TENM2: variants seen among roughly 807,000 people sequenced by gnomAD.
TENM2 encodes teneurin-2.
In TENM2, 52 loss-of-function variants were observed where a neutral mutation model predicts 245.2. The observed-to-expected ratio is 0.21, with a 90% CI of 0.17 to 0.27. TENM2 has a LOEUF of 0.27. Among genes scored for constraint, TENM2 ranks in the 10% least tolerant of loss-of-function variants. TENM2 has a pLI of 1.00. For synonymous variants in TENM2, 1,363 were observed against 1,438.9 expected (o/e 0.95, Z 1.19); for missense variants, 3,046 against 3,666.8 (o/e 0.83, Z 4.37).
At chr5:167,283,488 C>G (rs750434183), upstream of TENM2, among the ~76,000 whole-genome samples, 1 of 152,190 alleles carries the variant, frequency 6.6e-6, no homozygotes, top group East Asian at 1.9e-4. Flanking sequence ...GGAGGGGCTA[C>G]TTGGCTTCTG....
intron 2 of TENM2, among the ~76,000 whole-genome samples, chr5:167,764,805 T>G (rs570358229): frequency 1.4e-4 from 22 of 152,140 alleles, no homozygotes; most frequent in Non-Finnish European, 3.1e-4. Flanking sequence ...GAGTCTCCCC[T>G]CTGCCAGACA....
chr5:167,307,608 A>G (rs944282951), intron 1 of TENM2, among the ~76,000 whole-genome samples: 14 of 152,162 alleles, frequency 9.2e-5, no homozygotes, highest in African/African-American at 3.4e-4. Context: ...AAGTAACATA[A>G]GCTCCTAAAT....
At chr5:167,140,791 T>C in the TENM2 span, among the ~76,000 whole-genome samples, 25 of 152,230 alleles carry the variant, frequency 1.6e-4, no homozygotes, top group African/African-American at 4.8e-4. Flanking sequence ...CTTCACAAGA[T>C]GAGAGAAGGA....
intron 2 of TENM2, among the ~76,000 whole-genome samples, chr5:167,597,319 C>T (rs1239502251): frequency 6.6e-6 from 1 of 152,006 alleles, no homozygotes; most frequent in African/African-American, 2.4e-5. Flanking sequence ...GCATGCACAA[C>T]CACGCCTGGC....
chr5:166,994,526 A>G, the TENM2 span, among the ~76,000 whole-genome samples: 86 of 152,292 alleles, frequency 5.6e-4, no homozygotes, highest in African/African-American at 2.0e-3. Context: ...AGCAGCCCCT[A>G]TGTCAAACTC....
At chr5:167,387,688 T>G (rs1761521882) in intron 2 of TENM2, among the ~76,000 whole-genome samples, 1 of 152,104 alleles carries the variant, frequency 6.6e-6, no homozygotes, top group African/African-American at 2.4e-5. Flanking sequence ...TTGAGGTATG[T>G]CCCTTGTATG....
intron 2 of TENM2, among the ~76,000 whole-genome samples, chr5:167,872,872 T>C (rs1049154745): frequency 5.3e-5 from 8 of 152,244 alleles, no homozygotes; most frequent in South Asian, 4.1e-4. Context: ...AAAAAGTTCA[T>C]GTAAAGAATA....
At chr5:168,228,600 G>GCACT (rs10672019) in intron 25 of TENM2, among the ~76,000 whole-genome samples, 36,077 of 106,752 alleles carry the variant, frequency 0.34, 6,159 homozygotes, top group Non-Finnish European at 0.39. Context: ...TATGTTCTTT[G>GCACT]CACTCAAGGA....
the TENM2 span, among the ~76,000 whole-genome samples, chr5:167,226,677 A>G: frequency 1.3e-5 from 2 of 152,066 alleles, no homozygotes; most frequent in Admixed American, 6.5e-5. Flanking sequence ...AAAATGTTCT[A>G]TAAATGTCTG....
intron 2 of TENM2, among the ~76,000 whole-genome samples, chr5:167,665,827 A>G (rs565927600): frequency 6.6e-6 from 1 of 152,134 alleles, no homozygotes; most frequent in Non-Finnish European, 1.5e-5. Flanking sequence ...CTGCCTCGAC[A>G]TTTACTTTGC....
At chr5:168,261,649 G>T (rs1768195692) in intron 28 of TENM2, among the ~76,000 whole-genome samples, 1 of 152,234 alleles carries the variant, frequency 6.6e-6, no homozygotes, top group East Asian at 1.9e-4. Flanking sequence ...CTTCGCATCA[G>T]GACATTCCTG....
At chr5:167,038,831 A>G in the TENM2 span, among the ~76,000 whole-genome samples, 1 of 152,046 alleles carries the variant, frequency 6.6e-6, no homozygotes, top group Non-Finnish European at 1.5e-5. Context: ...ATCTCCTTGG[A>G]CTCGGTTTAC....
rs183080361 is a variant in TENM2, at chr5:168,056,564, A to G, written c.1310-5496A>G. 5.3e-5 allele frequency among the ~76,000 whole-genome samples: 8 copies of G among 152,356 alleles called. No individual in the cohort carries two copies. In the East Asian group the frequency reaches 1.3e-3, roughly 26 times the overall value. On this transcript the variant is annotated intron_variant, in intron 6 of 28. Transcript: ENST00000518659. ...TGAAAAATTCCTATCACCTAGTGACATCTTAGCTGTCCAAATGTTATAGTA... is the reference window on the plus strand; with the variant it reads ...TGAAAAATTCCTATCACCTAGTGACGTCTTAGCTGTCCAAATGTTATAGTA...
chr5:167,621,309 T>C (rs1249981460), intron 2 of TENM2, among the ~76,000 whole-genome samples: 2 of 152,140 alleles, frequency 1.3e-5, no homozygotes, highest in Non-Finnish European at 2.9e-5. Context: ...TGTTGTTACT[T>C]CAGATAGAGT....
chr5:167,630,420 A>T (rs1263427656), intron 2 of TENM2, among the ~76,000 whole-genome samples: 1 of 152,208 alleles, frequency 6.6e-6, no homozygotes, highest in African/African-American at 2.4e-5. Flanking sequence ...GCAGGACAGC[A>T]TGGGATTTTA....
intron 1 of TENM2, among the ~76,000 whole-genome samples, chr5:167,344,305 C>CATATATAT (rs1300424802): frequency 3.1e-5 from 3 of 98,294 alleles, no homozygotes; most frequent in African/African-American, 1.2e-4. Flanking sequence ...CACACACACA[C>CATATATAT]ACACATATAT....
chr5:167,234,517 T>C, the TENM2 span, among the ~76,000 whole-genome samples: 1 of 152,150 alleles, frequency 6.6e-6, no homozygotes, highest in African/African-American at 2.4e-5. Context: ...GAAGTAAAAA[T>C]CAACAGTAAC....
intron 2 of TENM2, among the ~76,000 whole-genome samples, chr5:167,841,949 G>A (rs1226009780): frequency 6.6e-6 from 1 of 151,684 alleles, no homozygotes; most frequent in Non-Finnish European, 1.5e-5. Context: ...ATATTTATAT[G>A]TTTTTGTCTC....
intron 5 of TENM2, among the ~76,000 whole-genome samples, chr5:168,024,705 C>A (rs1027688195): frequency 2.6e-5 from 4 of 152,140 alleles, no homozygotes; most frequent in Non-Finnish European, 5.9e-5. Context: ...TGTGATCATG[C>A]ATAGCTCTCT....
Sources: gnomAD v4.1 joint callset for allele counts (sites outside exome capture counted in the v4.1 genomes callset) on GRCh38, gnomAD v4.1.1 for gene constraint, MANE v1.5 for transcripts, NCBI Gene and HGNC (gene_info 2026-07-23, HGNC 2026-07-21) for gene names.